Variants in AVEN observed in about 807,000 individuals in gnomAD.
AVEN encodes the protein cell death regulator Aven.
Under a neutral mutation model 38.1 loss-of-function variants are expected in AVEN, and 41 were observed. That is an observed-to-expected ratio of 1.08 (90% CI 0.84 to 1.40). The LOEUF is 1.40. AVEN is among the 40% of genes most tolerant of loss of function. The pLI is 0.00. For synonymous variants in AVEN, 206 were observed against 171.8 expected (o/e 1.20, Z -1.56); for missense variants, 605 against 438.8 (o/e 1.38, Z -3.38).
intron 1 of AVEN, among the ~76,000 whole-genome samples, chr15:34,035,483 A>G (rs945075226): frequency 6.6e-6 from 1 of 152,188 alleles, no homozygotes; most frequent in African/African-American, 2.4e-5. Flanking sequence ...GCAGCAGTCG[A>G]AAGAACAGGC....
chr15:33,856,098 C>G (rs1434747139), downstream of AVEN: 1 of 152,196 alleles, frequency 6.6e-6, no homozygotes, highest in African/African-American at 2.4e-5. Flanking sequence ...AACTGAGGCT[C>G]AGAGCAGCTA....
intron 1 of AVEN, among the ~76,000 whole-genome samples, chr15:34,005,445 C>A (rs1187456838): frequency 1.5e-4 from 23 of 152,188 alleles, no homozygotes; most frequent in African/African-American, 5.5e-4. Context: ...TTTTTTATCT[C>A]CAATATTATC....
upstream of AVEN, among the ~76,000 whole-genome samples, chr15:34,043,986 C>T (rs966635402): frequency 6.6e-5 from 10 of 151,802 alleles, no homozygotes; most frequent in African/African-American, 2.2e-4. Flanking sequence ...TACTTGGGGA[C>T]GTCTTTCCAG....
chr15:33,894,627 C>T (rs112173764), intron 2 of AVEN, among the ~76,000 whole-genome samples: 173 of 143,400 alleles, frequency 1.2e-3, no homozygotes, highest in African/African-American at 4.1e-3. Flanking sequence ...CTGGGCAACA[C>T]GGTAAAACCC....
chr15:33,922,078 G>A (rs995874051), intron 2 of AVEN, among the ~76,000 whole-genome samples: 2 of 152,170 alleles, frequency 1.3e-5, no homozygotes, highest in Non-Finnish European at 2.9e-5. Context: ...AGTCCCTATC[G>A]ATGGATTTTA....
At chr15:33,916,972 C>T (rs1014171727) in intron 2 of AVEN, among the ~76,000 whole-genome samples, 2 of 152,102 alleles carry the variant, frequency 1.3e-5, no homozygotes, top group African/African-American at 4.8e-5. Context: ...CCTTATAAAA[C>T]CATCAGATCT....
intron 2 of AVEN, among the ~76,000 whole-genome samples, chr15:33,965,237 A>G (rs548552157): frequency 2.0e-5 from 3 of 152,334 alleles, no homozygotes; most frequent in Middle Eastern, 6.8e-3. Flanking sequence ...TTTCTTCAAC[A>G]AGAATTTAAA....
At chr15:33,892,943 C>A (rs8038636) in intron 2 of AVEN, among the ~76,000 whole-genome samples, 2 of 152,044 alleles carry the variant, frequency 1.3e-5, no homozygotes, top group African/African-American at 4.8e-5. Context: ...CTTCACATCC[C>A]TTGTAATTTG....
intron 2 of AVEN, among the ~76,000 whole-genome samples, chr15:33,995,329 AAAAT>A (rs1896889211): frequency 6.6e-6 from 1 of 152,222 alleles, no homozygotes; most frequent in African/African-American, 2.4e-5. Context: ...ATACAAATAA[AAAAT>A]AATACAGTAT....
downstream of AVEN, chr15:33,854,632 T>C: frequency 8.2e-7 from 1 of 1,220,418 alleles, no homozygotes; most frequent in Non-Finnish European, 1.2e-6. Context: ...TAGCAGATCT[T>C]GGGCCAGCTC....
the AVEN span, chr15:33,853,778 C>A: frequency 6.7e-7 from 1 of 1,486,420 alleles, no homozygotes; most frequent in Non-Finnish European, 9.0e-7. Context: ...TTTGTTCTCT[C>A]AGGCTGTGGT....
chr15:33,930,806 T>A (rs2153050659), intron 2 of AVEN, among the ~76,000 whole-genome samples: 1 of 151,984 alleles, frequency 6.6e-6, no homozygotes, highest in Middle Eastern at 3.4e-3. Flanking sequence ...ATACAAAAAA[T>A]TAACCGGGTG....
At chr15:34,004,233 A>C (rs1274945908) in intron 1 of AVEN, among the ~76,000 whole-genome samples, 4 of 152,236 alleles carry the variant, frequency 2.6e-5, no homozygotes, top group African/African-American at 9.6e-5. Context: ...TAGATTTTTA[A>C]ATAGGAACCC....
chr15:33,860,568 G>A, intron 11 of AVEN: 1 of 1,464,352 alleles, frequency 6.8e-7, no homozygotes, highest in South Asian at 1.3e-5. Context: ...TACACAGATT[G>A]CTTTGTCTTT....
downstream of AVEN, chr15:33,865,245 CG>C: frequency 6.5e-7 from 1 of 1,547,320 alleles, no homozygotes; most frequent in African/African-American, 1.4e-5. Context: ...CAAAGAAGCG[CG>C]ACAATTCTGG....
chr15:34,060,604 G>A (rs977137882), intron 5 of AVEN, among the ~76,000 whole-genome samples: 2 of 152,168 alleles, frequency 1.3e-5, no homozygotes, highest in African/African-American at 4.8e-5. Context: ...CACCGGGCAC[G>A]GTGGCTTTCG....
intron 1 of AVEN, among the ~76,000 whole-genome samples, chr15:34,011,848 T>C (rs1392374311): frequency 6.6e-6 from 1 of 152,228 alleles, no homozygotes; most frequent in African/African-American, 2.4e-5. Context: ...ATGGGATTTC[T>C]CAAAGTCAAG....
intron 2 of AVEN, among the ~76,000 whole-genome samples, chr15:33,897,615 T>A (rs1030612018): frequency 6.6e-6 from 1 of 152,066 alleles, no homozygotes; most frequent in African/African-American, 2.4e-5. Context: ...TGGTGGCTCA[T>A]GCCTATAATC....
At chr15:33,898,591 T>G (rs1278492404) in intron 2 of AVEN, among the ~76,000 whole-genome samples, 1 of 152,186 alleles carries the variant, frequency 6.6e-6, no homozygotes, top group Non-Finnish European at 1.5e-5. Context: ...TGTCCAAATT[T>G]CTCTCTCCTT....
Sources: allele counts gnomAD v4.1 joint callset (sites outside exome capture counted in the v4.1 genomes callset), GRCh38; gene constraint gnomAD v4.1.1; transcripts MANE v1.5; gene names NCBI Gene and HGNC (gene_info 2026-07-23, HGNC 2026-07-21).